SLC5A9: variants seen among roughly 807,000 people sequenced by gnomAD.
SLC5A9 encodes sodium/glucose cotransporter 4.
A neutral mutation model predicts 70.9 loss-of-function variants in SLC5A9; 59 were observed. That is an observed-to-expected ratio of 0.83 (90% confidence interval 0.68 to 1.03). The LOEUF (loss-of-function observed/expected upper bound fraction) is 1.03. Among genes scored for constraint, SLC5A9 ranks in the 50% least tolerant of loss-of-function variants. The pLI is 0.00. For missense variants in SLC5A9, 832 were observed against 881.1 expected (o/e 0.94, Z 0.71); for synonymous variants, 340 against 346.5 (o/e 0.98, Z 0.21).
In SLC5A9 at chr1:48,247,563, G is replaced by T. The variant is rs543354378; in HGVS notation, c.*20G>T. The T allele has an allele frequency of 6.2e-7, 1 of 1,612,536 alleles. No individual in the cohort carries two copies. The highest frequency in any genetic ancestry group is 2.2e-5 in the East Asian group (1 of 44,848). ...GCGTGATTCCACAGACCTGGCTTCA[G>T]TGTAGACAGATTAAACAAAGCCCAA... On this transcript the variant is annotated 3_prime_UTR_variant, in exon 14 of 14. Transcript: ENST00000438567.
intron 9 of SLC5A9, among the ~76,000 whole-genome samples, chr1:48,234,442 G>A (rs1319688270): frequency 2.0e-5 from 3 of 152,272 alleles, no homozygotes; most frequent in Admixed American, 6.5e-5. Flanking sequence ...AACTCTGTAC[G>A]AGGCAGGCTT....
intron 13 of SLC5A9, among the ~76,000 whole-genome samples, chr1:48,245,507 C>T (rs921709564): frequency 2.0e-5 from 3 of 152,108 alleles, no homozygotes; most frequent in Non-Finnish European, 4.4e-5. Flanking sequence ...AGACCACCAC[C>T]ATGAGGAAGT....
intron 12 of SLC5A9, chr1:48,242,142 G>T (rs1644397984): frequency 4.2e-6 from 2 of 475,894 alleles, no homozygotes; most frequent in Middle Eastern, 3.1e-4. Context: ...TTGTTCTCAA[G>T]TGCCTGCCTC....
intron 13 of SLC5A9, among the ~76,000 whole-genome samples, chr1:48,246,905 AG>A (rs1454309457): frequency 1.3e-5 from 2 of 152,242 alleles, no homozygotes; most frequent in Non-Finnish European, 2.9e-5. Context: ...CTTGCAGCCC[AG>A]TGCCCTTTCC....
chr1:48,233,206 C>T (rs1644278369), intron 8 of SLC5A9, among the ~76,000 whole-genome samples: 2 of 151,554 alleles, frequency 1.3e-5, no homozygotes, highest in Non-Finnish European at 2.9e-5. Flanking sequence ...ACTAAAAATA[C>T]AAAAATTAGC....
At chr1:48,236,685 G>A (rs751184840) in intron 10 of SLC5A9, among the ~76,000 whole-genome samples, 1 of 152,198 alleles carries the variant, frequency 6.6e-6, no homozygotes, top group Non-Finnish European at 1.5e-5. Flanking sequence ...AATTTAGGAA[G>A]CTTGCTCTTT....
At position 48,247,674 on chromosome 1, in the gene SLC5A9, A is replaced by C. The variant is rs1015426904; in HGVS notation, c.*131A>C. ...AAGTCAAGACTGCAAGCTCCCCTGA[A>C]GAGAATCCAACTCAACCTGCACACT... On this transcript the variant is annotated 3_prime_UTR_variant, in exon 14 of 14. Transcript: ENST00000438567. 11 of 855,462 alleles carry C rather than the reference A, an allele frequency of 1.3e-5. No individual in the cohort carries two copies. Among genetic ancestry groups the C allele is most frequent in the South Asian group, 1.1e-4 (7 of 63,118 alleles). The allele number at this position is 855,462 out of a possible 1,614,324, so 53.0% of individuals were successfully genotyped here.
At chr1:48,244,725 T>A (rs1379406861) in intron 13 of SLC5A9, among the ~76,000 whole-genome samples, 8 of 136,700 alleles carry the variant, frequency 5.9e-5, no homozygotes, top group Non-Finnish European at 1.1e-4. Context: ...TATATATATA[T>A]AAAATATATA....
intron 13 of SLC5A9, among the ~76,000 whole-genome samples, chr1:48,243,911 T>C (rs1011110342): frequency 1.3e-5 from 2 of 152,206 alleles, no homozygotes; most frequent in African/African-American, 2.4e-5. Flanking sequence ...TACAAGTAGA[T>C]GAATAAGACA....
chr1:48,223,872 A>T (rs1363471069), intron 1 of SLC5A9, among the ~76,000 whole-genome samples: 1 of 152,168 alleles, frequency 6.6e-6, no homozygotes, highest in Non-Finnish European at 1.5e-5. Flanking sequence ...AATTGCTTCC[A>T]ATGTTGGGCC....
Position 48,227,196 on chromosome 1 carries a change from CTG to C in SLC5A9, c.235-1647_235-1646del, listed in dbSNP as rs34445433. On this transcript the variant is annotated intron_variant, in intron 2 of 13. Transcript: ENST00000438567. ...GTGTGCGTGTGTGTGTGTACTGTGC[CTG>C]TGTGTGAGTGCATGTGTGTGTGCAT... is the stretch of plus-strand genomic sequence containing the variant. 2.3e-3 allele frequency among the ~76,000 whole-genome samples: 324 copies of C among 141,608 alleles called. 6 individuals carry two copies. The highest frequency in any genetic ancestry group is 8.2e-3 in the African/African-American group (305 of 37,038). 92.9% of individuals were successfully genotyped at this position (141,608 alleles called of 152,430 possible).
intron 10 of SLC5A9, among the ~76,000 whole-genome samples, chr1:48,236,116 A>G (rs1367940469): frequency 6.6e-6 from 1 of 152,224 alleles, no homozygotes; most frequent in Non-Finnish European, 1.5e-5. Context: ...GAAATTGATC[A>G]ACAGGGTTGT....
At chr1:48,230,848 C>T in intron 5 of SLC5A9, 143 bp downstream of exon 5, 1 of 641,866 alleles carries the variant, frequency 1.6e-6, no homozygotes, top group South Asian at 1.9e-5. Flanking sequence ...GAGGCAGAGA[C>T]AAAGAGAGGC....
chr1:48,246,722 T>C (rs1644464217), intron 13 of SLC5A9, among the ~76,000 whole-genome samples: 1 of 152,164 alleles, frequency 6.6e-6, no homozygotes, highest in South Asian at 2.1e-4. Context: ...ACTTTTAAAG[T>C]GCTGTCCAAT....
chr1:48,234,115 G>T (rs1444108320), intron 9 of SLC5A9, among the ~76,000 whole-genome samples: 1 of 152,212 alleles, frequency 6.6e-6, no homozygotes, highest in African/African-American at 2.4e-5. Context: ...AGGATGTCTG[G>T]AATGTCTCCC....
chr1:48,229,623 G>A (rs1644219714), intron 4 of SLC5A9, 164 bp downstream of exon 4: 4 of 1,083,762 alleles, frequency 3.7e-6, no homozygotes, highest in Admixed American at 2.8e-5. Context: ...TCAGCACTGG[G>A]GTACTCAGAG....
chr1:48,241,828 G>A, intron 12 of SLC5A9: 1 of 428,946 alleles, frequency 2.3e-6, no homozygotes, highest in African/African-American at 2.0e-5. Flanking sequence ...ACCACTACAT[G>A]TCTGGTCACC....
At chr1:48,238,227 G>A (rs1264150517) in intron 11 of SLC5A9, among the ~76,000 whole-genome samples, 1 of 152,202 alleles carries the variant, frequency 6.6e-6, no homozygotes, top group Non-Finnish European at 1.5e-5. Flanking sequence ...GCTGAGGCCT[G>A]AAGGATTAAT....
At position 48,247,381 on chromosome 1, in the gene SLC5A9, G is replaced by C; in HGVS notation, c.1884G>C (p.Gly628=). 1.2e-6 allele frequency: 2 copies of C among 1,614,072 alleles called. No homozygotes were observed. The highest frequency in any genetic ancestry group is 1.7e-6 in the Non-Finnish European group (2 of 1,180,024). The part of the protein sequence containing the change: ...WGKLLWSWFC[G]LSGTPEQALS... The stretch of plus-strand genomic sequence containing the variant: ...AGTTGCTCTGGAGCTGGTTCTGTGG[G>C]CTCTCTGGAACACCGGAGCAGGCCC... Residue 628 remains glycine, a synonymous_variant, in exon 14 of 14, where the codon GGG becomes GGC. Coordinates refer to ENST00000438567, the MANE Select transcript of SLC5A9 (RefSeq NM_001011547.3).
Sources: gnomAD v4.1 joint callset for allele counts (sites outside exome capture counted in the v4.1 genomes callset) on GRCh38, gnomAD v4.1.1 for gene constraint, MANE v1.5 for transcripts, NCBI Gene and HGNC (gene_info 2026-07-23, HGNC 2026-07-21) for gene names.